The following TAOK1 variants were observed in gnomAD, a reference collection of about 807,000 sequenced individuals.
TAOK1 encodes TAO kinase 1.
In TAOK1, 21 loss-of-function variants were observed where a neutral mutation model predicts 138.3. The observed-to-expected ratio is 0.15, with a 90% confidence interval of 0.11 to 0.22. The LOEUF is 0.22. TAOK1 is among the 10% of genes least tolerant of loss of function. The pLI is 1.00. For missense variants in TAOK1, 651 were observed against 1,227.7 expected, an observed-to-expected ratio of 0.53 and a Z score of 7.02; for synonymous variants, 361 against 398.4, an observed-to-expected ratio of 0.91 and a Z score of 1.12.
At chr17:29,488,958 T>A (rs2031237783) in intron 8 of TAOK1, among the ~76,000 whole-genome samples, 2 of 152,160 alleles carry the variant, frequency 1.3e-5, no homozygotes, top group Non-Finnish European at 2.9e-5. Context: ...ATGAACAAAT[T>A]CCTTGAAGAT....
chr17:29,455,724 CAT>C (rs1344067522), intron 2 of TAOK1, among the ~76,000 whole-genome samples: 2 of 93,968 alleles, frequency 2.1e-5, no homozygotes, highest in African/African-American at 1.4e-4. Context: ...CAAGCTGGAT[CAT>C]GTGTTTTTTT....
intron 7 of TAOK1, among the ~76,000 whole-genome samples, chr17:29,481,327 G>T (rs906400572): frequency 1.4e-4 from 22 of 151,734 alleles, no homozygotes; most frequent in Non-Finnish European, 3.1e-4. Flanking sequence ...CTGAGTAGCT[G>T]GGATTACAGA....
chr17:29,539,105 T>C (rs77721228), intron 19 of TAOK1, among the ~76,000 whole-genome samples: 1 of 151,402 alleles, frequency 6.6e-6, no homozygotes, highest in Non-Finnish European at 1.5e-5. Context: ...AAAAAAAAAA[T>C]ACAAAAATTA....
intron 1 of TAOK1, among the ~76,000 whole-genome samples, chr17:29,398,965 TTA>T (rs994606706): frequency 1.6e-4 from 24 of 152,154 alleles, no homozygotes; most frequent in Admixed American, 4.6e-4. Flanking sequence ...ATATAAATGT[TTA>T]TGAGTACATT....
chr17:29,466,407 G>A (rs1046276158), intron 2 of TAOK1, among the ~76,000 whole-genome samples: 12 of 152,250 alleles, frequency 7.9e-5, no homozygotes, highest in African/African-American at 2.4e-4. Flanking sequence ...CCCTCCCAAA[G>A]TGCTGCGATT....
intron 3 of TAOK1, among the ~76,000 whole-genome samples, chr17:29,472,353 A>G (rs2030839135): frequency 6.6e-6 from 1 of 150,998 alleles, no homozygotes; most frequent in African/African-American, 2.4e-5. Flanking sequence ...CCCGGGTTCA[A>G]GCGATTCTCC....
chr17:29,439,842 T>C (rs902522464), intron 1 of TAOK1, among the ~76,000 whole-genome samples: 7 of 137,442 alleles, frequency 5.1e-5, no homozygotes, highest in Non-Finnish European at 9.1e-5. Flanking sequence ...CAGGGCAACG[T>C]AGTGAAAAAG....
intron 1 of TAOK1, among the ~76,000 whole-genome samples, chr17:29,414,264 T>C (rs989602116): frequency 6.6e-6 from 1 of 151,914 alleles, no homozygotes; most frequent in Non-Finnish European, 1.5e-5. Flanking sequence ...CACATTATTA[T>C]TTGATACGGA....
chr17:29,399,517 G>A (rs1303787441), intron 1 of TAOK1, among the ~76,000 whole-genome samples: 10 of 151,800 alleles, frequency 6.6e-5, no homozygotes, highest in Admixed American at 2.0e-4. Flanking sequence ...GGGTTTCACC[G>A]TGTTAGCCAG....
chr17:29,428,091 G>GT (rs1043359782), intron 1 of TAOK1, among the ~76,000 whole-genome samples: 4 of 152,128 alleles, frequency 2.6e-5, no homozygotes, highest in East Asian at 3.9e-4. Context: ...AGTGCCAACC[G>GT]TTTTTTTCCA....
At chr17:29,447,364 G>C (rs537168145) in intron 1 of TAOK1, among the ~76,000 whole-genome samples, 2 of 152,040 alleles carry the variant, frequency 1.3e-5, no homozygotes, top group East Asian at 3.9e-4. Flanking sequence ...ACAGGGTCTC[G>C]CTGTGTCACC....
intron 8 of TAOK1, among the ~76,000 whole-genome samples, chr17:29,484,388 A>T (rs1456893513): frequency 6.6e-6 from 1 of 152,212 alleles, no homozygotes; most frequent in African/African-American, 2.4e-5. Flanking sequence ...AAGCCTGATT[A>T]TGGTTCTAGG....
intron 3 of TAOK1, among the ~76,000 whole-genome samples, chr17:29,472,749 T>A (rs750213142): frequency 5.9e-5 from 9 of 151,558 alleles, no homozygotes; most frequent in Admixed American, 2.0e-4. Context: ...TCATTTTGTA[T>A]TTTTTTAGTA....
intron 1 of TAOK1, among the ~76,000 whole-genome samples, chr17:29,415,004 C>T (rs1905235425): frequency 6.6e-6 from 1 of 151,812 alleles, no homozygotes; most frequent in Non-Finnish European, 1.5e-5. Flanking sequence ...CGCTCTGTTG[C>T]CCAGGTTGGA....
intron 18 of TAOK1, among the ~76,000 whole-genome samples, chr17:29,531,792 T>A (rs1598525807): frequency 1.7e-5 from 1 of 60,572 alleles, no homozygotes; most frequent in Admixed American, 1.9e-4. Context: ...CAGATAAGAC[T>A]TTTTAGGCAG....
In TAOK1 at chr17:29,548,131, CTTGT is replaced by C. The variant is rs2032431061; in HGVS notation, c.*5114_*5117del. ...AGTCATGTTGACTAATGTTTTCCTC[CTTGT>C]TTGTATTCAGATTTCCAAAATTTCA... On this transcript the variant is annotated 3_prime_UTR_variant, in exon 20 of 20. Transcript: ENST00000261716. 1 of 152,158 alleles carries C rather than the reference CTTGT, an allele frequency of 6.6e-6. No individual in the cohort carries two copies. The highest frequency in any genetic ancestry group is 2.4e-5 in the African/African-American group (1 of 41,518). 9.4% of individuals were successfully genotyped at this position (152,158 alleles called of 1,614,324 possible).
Position 29,533,827 on chromosome 17 carries a change from C to CGTGGAAAGAGAGGGAGAGGGAGACT in TAOK1, c.2362-287_2362-286insAAAGAGAGGGAGAGGGAGACTGTGG, listed in dbSNP as rs1598527577. ...CTTCGGCTCGGCATCAGAGGGAGAC[C>CGTGGAAAGAGAGGGAGAGGGAGACT]GTGGGGAGAGGGAGGGGGAGGGGGA... On this transcript the variant is annotated intron_variant, in intron 18 of 19. Coordinates refer to ENST00000261716, the MANE Select transcript of TAOK1 (RefSeq NM_020791.4). Among the ~76,000 whole-genome samples, 6 of 114,682 alleles carry CGTGGAAAGAGAGGGAGAGGGAGACT rather than the reference C, an allele frequency of 5.2e-5. 1 individual carries two copies. Among genetic ancestry groups the CGTGGAAAGAGAGGGAGAGGGAGACT allele is most frequent in the African/African-American group, 1.8e-4 (5 of 28,546 alleles). 75.2% of individuals were successfully genotyped at this position (114,682 alleles called of 152,430 possible). A position where few individuals can be genotyped will look rare whatever the true frequency, so the allele number is the denominator to read the frequency against.
In TAOK1 at chr17:29,533,841, G is replaced by GACCGTGGGGAGAGGGAA. The variant is rs1567747962; in HGVS notation, c.2362-277_2362-276insACCGTGGGGAGAGGGAA. Among the ~76,000 whole-genome samples, 17 of 147,176 alleles carry GACCGTGGGGAGAGGGAA rather than the reference G, an allele frequency of 1.2e-4. 1 individual carries two copies. Among genetic ancestry groups the GACCGTGGGGAGAGGGAA allele is most frequent in the Admixed American group, 9.6e-4 (14 of 14,586 alleles). On this transcript the variant is annotated intron_variant, in intron 18 of 19. Transcript: ENST00000261716. ...CAGAGGGAGACCGTGGGGAGAGGGA[G>GACCGTGGGGAGAGGGAA]GGGGAGGGGGAGAGGGGATTCTAGG...
At chr17:29,421,822 C>T (rs1905453116) in intron 1 of TAOK1, among the ~76,000 whole-genome samples, 1 of 151,864 alleles carries the variant, frequency 6.6e-6, no homozygotes, top group African/African-American at 2.4e-5. Context: ...AGGCTGGTCT[C>T]AAACTCCTGG....
Sources: allele counts gnomAD v4.1 joint callset (sites outside exome capture counted in the v4.1 genomes callset), GRCh38; gene constraint gnomAD v4.1.1; transcripts MANE v1.5; gene names NCBI Gene and HGNC (gene_info 2026-07-23, HGNC 2026-07-21).